Variants in TENM2 observed in about 807,000 individuals in gnomAD.
The protein encoded by TENM2 is teneurin transmembrane protein 2.
Under a neutral mutation model 245.2 loss-of-function variants are expected in TENM2, and 52 were observed. That is an observed-to-expected ratio of 0.21 (90% CI 0.17 to 0.27). The LOEUF (loss-of-function observed/expected upper bound fraction) is 0.27, where lower values mean the gene tolerates loss of function less well. Among genes scored for constraint, TENM2 ranks in the 10% least tolerant of loss-of-function variants. The probability of loss-of-function intolerance (pLI) is 1.00; values close to 1 mark genes in which losing one functional copy is unlikely to be tolerated. For synonymous variants in TENM2, 1,363 were observed against 1,438.9 expected (o/e 0.95, Z 1.19); for missense variants, 3,046 against 3,666.8 (o/e 0.83, Z 4.37).
chr5:167,453,729 C>T (rs976700079), intron 2 of TENM2, among the ~76,000 whole-genome samples: 9 of 152,214 alleles, frequency 5.9e-5, no homozygotes, highest in African/African-American at 2.2e-4. Flanking sequence ...GGGACTAGGC[C>T]CATGAACTGT....
chr5:167,995,577 G>C (rs182239863), intron 5 of TENM2, among the ~76,000 whole-genome samples: 1 of 152,178 alleles, frequency 6.6e-6, no homozygotes, highest in South Asian at 2.1e-4. Context: ...GTCTGCAAGC[G>C]TGGTAAGGGG....
At chr5:167,533,897 T>C (rs1413545441) in intron 2 of TENM2, among the ~76,000 whole-genome samples, 3 of 152,222 alleles carry the variant, frequency 2.0e-5, no homozygotes, top group Non-Finnish European at 4.4e-5. Flanking sequence ...TCCAACATAC[T>C]GGTTCTTAAC....
At chr5:167,122,017 T>C in the TENM2 span, among the ~76,000 whole-genome samples, 2 of 152,190 alleles carry the variant, frequency 1.3e-5, no homozygotes, top group African/African-American at 4.8e-5. Context: ...GAAATAGCTA[T>C]AGCTATTTTT....
the TENM2 span, among the ~76,000 whole-genome samples, chr5:167,230,845 CTATGT>C: frequency 6.6e-6 from 1 of 152,192 alleles, no homozygotes; most frequent in East Asian, 1.9e-4. Flanking sequence ...TATGGTTACG[CTATGT>C]GTCTCCACCC....
At chr5:167,005,645 C>CTGT in the TENM2 span, among the ~76,000 whole-genome samples, 41 of 109,050 alleles carry the variant, frequency 3.8e-4, no homozygotes, top group African/African-American at 1.2e-3. Context: ...CTTGTTTTTT[C>CTGT]TGTGTGTGGG....
At chr5:168,037,778 T>C (rs1787842500) in intron 5 of TENM2, among the ~76,000 whole-genome samples, 1 of 152,108 alleles carries the variant, frequency 6.6e-6, no homozygotes, top group Non-Finnish European at 1.5e-5. Flanking sequence ...AAGGTTCAAA[T>C]CCTGGCTCAG....
At chr5:167,617,048 G>A (rs776405658) in intron 2 of TENM2, among the ~76,000 whole-genome samples, 1 of 152,232 alleles carries the variant, frequency 6.6e-6, no homozygotes, top group South Asian at 2.1e-4. Flanking sequence ...CACAAGTATT[G>A]CTCAGAACTC....
chr5:167,074,372 C>T, the TENM2 span, among the ~76,000 whole-genome samples: 20 of 151,624 alleles, frequency 1.3e-4, no homozygotes, highest in South Asian at 4.2e-4. Flanking sequence ...CTTAGGTGGC[C>T]GAGGAAGTAG....
intron 4 of TENM2, among the ~76,000 whole-genome samples, chr5:167,958,436 T>A (rs1780731187): frequency 6.6e-6 from 1 of 152,246 alleles, no homozygotes; most frequent in Admixed American, 6.5e-5. Context: ...TTATCCAATT[T>A]GCCAGTCTGT....
intron 5 of TENM2, among the ~76,000 whole-genome samples, chr5:168,004,103 G>A (rs919438518): frequency 6.6e-6 from 1 of 152,144 alleles, no homozygotes; most frequent in East Asian, 1.9e-4. Context: ...ATGTATTGTC[G>A]TTGGAATGAT....
At chr5:167,136,050 A>G in the TENM2 span, among the ~76,000 whole-genome samples, 1 of 152,348 alleles carries the variant, frequency 6.6e-6, no homozygotes, top group East Asian at 1.9e-4. Context: ...TACAATTTCT[A>G]AGCCTCACAT....
intron 2 of TENM2, among the ~76,000 whole-genome samples, chr5:167,381,942 T>C (rs532876102): frequency 6.6e-6 from 1 of 152,264 alleles, no homozygotes; most frequent in South Asian, 2.1e-4. Flanking sequence ...TTAAATCAAA[T>C]TACAATCAAT....
the TENM2 span, among the ~76,000 whole-genome samples, chr5:167,049,768 A>C: frequency 6.6e-6 from 1 of 152,224 alleles, no homozygotes. Flanking sequence ...ATTTGATGTT[A>C]ACTAAGAAGC....
At chr5:167,140,679 T>C in the TENM2 span, among the ~76,000 whole-genome samples, 1 of 152,148 alleles carries the variant, frequency 6.6e-6, no homozygotes, top group South Asian at 2.1e-4. Flanking sequence ...GTGAGCGCAA[T>C]ACACTTGGTG....
intron 12 of TENM2, among the ~76,000 whole-genome samples, chr5:168,133,851 T>A (rs549477695): frequency 6.6e-6 from 1 of 152,250 alleles, no homozygotes; most frequent in South Asian, 2.1e-4. Context: ...ATAACAGAGT[T>A]TTTAAGAACA....
At chr5:167,098,534 C>T in the TENM2 span, among the ~76,000 whole-genome samples, 4 of 152,054 alleles carry the variant, frequency 2.6e-5, no homozygotes, top group Non-Finnish European at 5.9e-5. Context: ...TCTCTTGCAG[C>T]GCTTGTCATT....
chr5:167,925,437 G>T (rs1232730257), intron 3 of TENM2, among the ~76,000 whole-genome samples: 2 of 152,230 alleles, frequency 1.3e-5, no homozygotes, highest in Non-Finnish European at 2.9e-5. Flanking sequence ...TCCTGAGAAA[G>T]CCGATAGTTA....
intron 4 of TENM2, among the ~76,000 whole-genome samples, chr5:167,966,358 C>T (rs1457195178): frequency 6.6e-6 from 1 of 152,190 alleles, no homozygotes; most frequent in Non-Finnish European, 1.5e-5. Flanking sequence ...CCATGGGTGC[C>T]ATGGCTGACC....
chr5:167,575,126 A>AG (rs1774553432), intron 2 of TENM2, among the ~76,000 whole-genome samples: 1 of 151,480 alleles, frequency 6.6e-6, no homozygotes, highest in Admixed American at 6.6e-5. Flanking sequence ...AAGAAAAAAA[A>AG]AAAAAACAAC....
Sources: gnomAD v4.1 joint callset for allele counts (sites outside exome capture counted in the v4.1 genomes callset) on GRCh38, gnomAD v4.1.1 for gene constraint, MANE v1.5 for transcripts, NCBI Gene and HGNC (gene_info 2026-07-23, HGNC 2026-07-21) for gene names.